Variants in GSTCD observed in about 807,000 individuals in gnomAD.
GSTCD encodes glutathione S-transferase C-terminal domain containing, also known as glutathione S-transferase C-terminal domain-containing protein.
In GSTCD, 44 loss-of-function variants were observed where a neutral mutation model predicts 68.3. The ratio of observed to expected loss-of-function variants is 0.64; its 90% CI spans 0.51 to 0.83. The LOEUF is 0.83. Among genes scored for constraint, GSTCD ranks in the 40% least tolerant of loss-of-function variants. The pLI is 0.00. For synonymous variants in GSTCD, 273 were observed against 255.2 expected, an observed-to-expected ratio of 1.07 and a Z score of -0.67; for missense variants, 739 against 735.9, an observed-to-expected ratio of 1.00 and a Z score of -0.05.
chr4:105,815,867 C>T (rs1208654641), intron 5 of GSTCD, among the ~76,000 whole-genome samples: 1 of 152,088 alleles, frequency 6.6e-6, no homozygotes, highest in East Asian at 1.9e-4. Context: ...ATATTATGGA[C>T]TTAAAATAAC....
chr4:105,749,589 A>G (rs1302905041), intron 5 of GSTCD, among the ~76,000 whole-genome samples: 5 of 151,502 alleles, frequency 3.3e-5, no homozygotes, highest in African/African-American at 9.7e-5. Context: ...CCATTGCTCT[A>G]TCAATTGAAC....
At chr4:105,803,844 A>C (rs1400356578) in intron 5 of GSTCD, among the ~76,000 whole-genome samples, 1 of 152,116 alleles carries the variant, frequency 6.6e-6, no homozygotes, top group African/African-American at 2.4e-5. Flanking sequence ...TTAGAAATAC[A>C]TATCTATGTG....
At chr4:105,741,953 G>A (rs566269363) in intron 5 of GSTCD, among the ~76,000 whole-genome samples, 2 of 151,684 alleles carry the variant, frequency 1.3e-5, no homozygotes, top group South Asian at 4.1e-4. Flanking sequence ...ATAAAATTAT[G>A]TAGGGGTATG....
At chr4:105,781,793 CTT>C (rs529901727) in intron 5 of GSTCD, among the ~76,000 whole-genome samples, 6 of 149,382 alleles carry the variant, frequency 4.0e-5, no homozygotes, top group Admixed American at 6.7e-5. Flanking sequence ...AACTACTTAT[CTT>C]TTTTTTCTTT....
Position 105,815,561 on chromosome 4 carries a change from A to G in GSTCD, c.1241-7393A>G, listed in dbSNP as rs954402951. 6.6e-5 allele frequency among the ~76,000 whole-genome samples: 10 copies of G among 152,316 alleles called. No homozygotes were observed. In the East Asian group the frequency reaches 1.9e-3, roughly 29 times the overall value. On this transcript the variant is annotated intron_variant, in intron 5 of 11. Transcript: ENST00000515279. ...AAGGTCAGATCATAGCGGACATTAG[A>G]ACACCATGTGCACAAAAGAAGTATT... is the stretch of plus-strand genomic sequence containing the variant.
At chr4:105,754,812 A>C (rs1734123685) in intron 5 of GSTCD, among the ~76,000 whole-genome samples, 1 of 152,090 alleles carries the variant, frequency 6.6e-6, no homozygotes, top group Non-Finnish European at 1.5e-5. Context: ...AACTTCATTG[A>C]CTAAATACTT....
chr4:105,763,766 C>G (rs1157996601), intron 5 of GSTCD, among the ~76,000 whole-genome samples: 1 of 152,082 alleles, frequency 6.6e-6, no homozygotes, highest in African/African-American at 2.4e-5. Flanking sequence ...CAAATTTGTA[C>G]TCTTTTGAGT....
rs189273807 is a variant in GSTCD at position 105,760,098 on chromosome 4, A to G, written c.1240+30599A>G. ...AGACCAGTCCAAAAAACTGTGTCTT[A>G]TGCAGCTTAGTAATTTGGTCAGTTA... On this transcript the variant is annotated intron_variant, in intron 5 of 11. Coordinates refer to ENST00000515279, the MANE Select transcript of GSTCD (RefSeq NM_001370181.1). Among the ~76,000 whole-genome samples, 4 of 151,332 alleles carry G rather than the reference A, an allele frequency of 2.6e-5. No homozygotes were observed. In the East Asian group the frequency reaches 7.8e-4, roughly 29 times the overall value.
chr4:105,713,745 A>C (rs1435718298), intron 1 of GSTCD, among the ~76,000 whole-genome samples: 1 of 152,032 alleles, frequency 6.6e-6, no homozygotes, highest in Non-Finnish European at 1.5e-5. Context: ...TTGTAGTCAC[A>C]AAGATAACTT....
intron 10 of GSTCD, among the ~76,000 whole-genome samples, chr4:105,839,390 C>T (rs905922055): frequency 6.6e-6 from 1 of 152,252 alleles, no homozygotes; most frequent in Non-Finnish European, 1.5e-5. Flanking sequence ...AAACCCAGCA[C>T]TTTGGGAGGC....
intron 5 of GSTCD, among the ~76,000 whole-genome samples, chr4:105,791,198 T>C (rs1475551428): frequency 3.3e-5 from 5 of 151,622 alleles, no homozygotes; most frequent in East Asian, 1.9e-4. Context: ...TCGAGACCAT[T>C]CTGGCTAACA....
intron 11 of GSTCD, 135 bp from the exon 12 acceptor site, chr4:105,845,306 C>A: frequency 1.2e-6 from 1 of 807,238 alleles, no homozygotes; most frequent in Non-Finnish European, 1.9e-6. Context: ...TTGAAAGAAA[C>A]TAAACAAGAC....
At chr4:105,768,333 A>T (rs1395707988) in intron 5 of GSTCD, among the ~76,000 whole-genome samples, 2 of 152,076 alleles carry the variant, frequency 1.3e-5, no homozygotes, top group African/African-American at 4.8e-5. Context: ...CCCGGCCAAT[A>T]ATTTTTATAT....
chr4:105,721,577 T>C (rs1273052458), intron 3 of GSTCD, among the ~76,000 whole-genome samples: 1 of 151,962 alleles, frequency 6.6e-6, no homozygotes, highest in East Asian at 1.9e-4. Flanking sequence ...CTAGGGAAAA[T>C]ACCCAGTTCT....
At chr4:105,768,002 T>C (rs771765636) in intron 5 of GSTCD, among the ~76,000 whole-genome samples, 92 of 151,946 alleles carry the variant, frequency 6.1e-4, no homozygotes, top group African/African-American at 2.2e-3. Flanking sequence ...GTTCCACAAA[T>C]AAAAATATTT....
intron 5 of GSTCD, among the ~76,000 whole-genome samples, chr4:105,745,734 T>G (rs1733777245): frequency 6.6e-6 from 1 of 152,162 alleles, no homozygotes; most frequent in Non-Finnish European, 1.5e-5. Flanking sequence ...ATAGTAGAGG[T>G]TGCTACTAGC....
In GSTCD at chr4:105,794,887, C is replaced by T. The variant is rs920817307; in HGVS notation, c.1241-28067C>T. 8.2e-5 allele frequency among the ~76,000 whole-genome samples: 12 copies of T among 145,898 alleles called. 1 individual carries two copies. In the East Asian group the frequency reaches 2.4e-3, roughly 29 times the overall value. On this transcript the variant is annotated intron_variant, in intron 5 of 11. Transcript: ENST00000515279. ...TCTATCTATCTATCTATCTATCTAT[C>T]TATCTATGAGACAGAGTCTCACTCT...
chr4:105,815,226 A>T (rs1454072204), intron 5 of GSTCD: 1 of 152,142 alleles, frequency 6.6e-6, no homozygotes, highest in African/African-American at 2.4e-5. Context: ...TCTGTTCTCC[A>T]TACAGCATCA....
At position 105,717,586 on chromosome 4, in the gene GSTCD, A is replaced by G. The variant is rs374465796; in HGVS notation, c.-21-7A>G. The G allele has an allele frequency of 2.2e-5, 32 of 1,460,542 alleles. No individual in the cohort carries two copies. The highest frequency in any genetic ancestry group is 3.7e-6 in the Non-Finnish European group (4 of 1,081,030). The allele number at this position is 1,460,542 out of a possible 1,614,324, so 90.5% of individuals were successfully genotyped here. A position where few individuals can be genotyped will look rare whatever the true frequency, so the allele number is the denominator to read the frequency against. ...TAAGACCATAATCACTTCAATTTAT[A>G]CTTTAGGTGACCCAATGAAAGAAGA... On this transcript the variant is annotated splice_region_variant and splice_polypyrimidine_tract_variant and intron_variant, in intron 1 of 11. Transcript: ENST00000515279.
Sources: allele counts gnomAD v4.1 joint callset (sites outside exome capture counted in the v4.1 genomes callset), GRCh38; gene constraint gnomAD v4.1.1; transcripts MANE v1.5; gene names NCBI Gene and HGNC (gene_info 2026-07-23, HGNC 2026-07-21).